Variants in RHOT1 observed in about 807,000 individuals in gnomAD.
RHOT1 encodes the protein ras homolog family member T1.
In RHOT1, 27 loss-of-function variants were observed where a neutral mutation model predicts 95.3. The ratio of observed to expected loss-of-function variants is 0.28; its 90% CI spans 0.21 to 0.39. RHOT1 has a LOEUF of 0.39. Ranked by LOEUF, RHOT1 falls within the 10% of genes least tolerant of loss-of-function variation. RHOT1 has a pLI of 1.00. For missense variants in RHOT1, 578 were observed against 786.7 expected, an observed-to-expected ratio of 0.73 and a Z score of 3.17; for synonymous variants, 227 against 263.5, an observed-to-expected ratio of 0.86 and a Z score of 1.34.
In RHOT1 at chr17:32,175,629, G is replaced by A. The variant is rs150040462; in HGVS notation, c.222+267G>A. On this transcript the variant is annotated intron_variant, in intron 4 of 19. Coordinates refer to ENST00000545287, the MANE Select transcript of RHOT1 (RefSeq NM_001033566.3). ...GCACCACCATGCCCAGCTAATTTTT[G>A]TATTTTAGTAGAGATGGGGTTTTGC... 3.3e-3 allele frequency among the ~76,000 whole-genome samples: 498 copies of A among 152,168 alleles called. 5 individuals carry two copies. The highest frequency in any genetic ancestry group is 0.012 in the African/African-American group (483 of 41,530).
rs930161268 is a variant in RHOT1 at position 32,206,978 on chromosome 17, A to G, written c.1485A>G (p.Val495=). The G allele has an allele frequency of 1.2e-6, 2 of 1,612,742 alleles. No homozygotes were observed. The highest frequency in any genetic ancestry group is 1.7e-6 in the Non-Finnish European group (2 of 1,179,200). The change falls in exon 17 of 20, where the codon GTA becomes GTG. Residue 495 remains valine, a synonymous_variant. Coordinates refer to ENST00000545287, the MANE Select transcript of RHOT1 (RefSeq NM_001033566.3). The part of the protein sequence containing the change: ...AEIICDVVCL[V]YDVSNPKSFE... ...TCATTTGTGATGTTGTATGCCTGGTATATGATGTCAGCAATCCCAAATCCT... is the reference window on the plus strand; with the variant it reads ...TCATTTGTGATGTTGTATGCCTGGTGTATGATGTCAGCAATCCCAAATCCT...
intron 8 of RHOT1, among the ~76,000 whole-genome samples, chr17:32,185,878 G>T (rs1326162049): frequency 6.6e-6 from 1 of 151,658 alleles, no homozygotes; most frequent in Non-Finnish European, 1.5e-5. Context: ...ATGCCACCGT[G>T]CCCAGCTAAT....
At chr17:32,221,734 A>G (rs757322172) in intron 19 of RHOT1, among the ~76,000 whole-genome samples, 14 of 152,242 alleles carry the variant, frequency 9.2e-5, no homozygotes, top group Non-Finnish European at 1.9e-4. Context: ...AACTAGCTGT[A>G]TCTTGAACAT....
At position 32,198,942 on chromosome 17, in the gene RHOT1, A is replaced by C. The variant is rs191889500; in HGVS notation, c.870-5A>C. 27 of 1,580,590 alleles carry C rather than the reference A, an allele frequency of 1.7e-5. No individual in the cohort carries two copies. The East Asian group carries it at 5.4e-4, about 31-fold the overall frequency. On this transcript the variant is annotated splice_region_variant and splice_polypyrimidine_tract_variant and intron_variant, in intron 11 of 19. Transcript: ENST00000545287. ...ATTTATTTTACTCTTGAATTTTTTC[A>C]ACAGGCTGAAAATACCTCCTGATTG...
At chr17:32,160,047 AGAC>A in intron 1 of RHOT1, 1 of 152,364 alleles carries the variant, frequency 6.6e-6, no homozygotes, top group South Asian at 2.1e-4. Flanking sequence ...ACCAGAAGAG[AGAC>A]GACGGCATGA....
chr17:32,194,220 C>A, intron 11 of RHOT1, 113 bp downstream of exon 11: 1 of 1,059,558 alleles, frequency 9.4e-7, no homozygotes, highest in Non-Finnish European at 1.4e-6. Context: ...ATCCTCCCAC[C>A]TTGGCCTCCC....
At chr17:32,172,383 A>G (rs1413382579) in intron 2 of RHOT1, among the ~76,000 whole-genome samples, 1 of 152,186 alleles carries the variant, frequency 6.6e-6, no homozygotes, top group Non-Finnish European at 1.5e-5. Flanking sequence ...TTTAGTTTAG[A>G]ATTGTTTTAG....
At chr17:32,218,764 T>G (rs1413371077) in intron 19 of RHOT1, among the ~76,000 whole-genome samples, 2 of 152,108 alleles carry the variant, frequency 1.3e-5, no homozygotes, top group Non-Finnish European at 2.9e-5. Flanking sequence ...CAGTGAGCTG[T>G]GTTCATGCCA....
At position 32,192,272 on chromosome 17, in the gene RHOT1, C is replaced by G. The variant is rs1247156519; in HGVS notation, c.612C>G (p.Leu204=). The G allele has an allele frequency of 6.4e-7, 1 of 1,573,106 alleles. No homozygotes were observed. The highest frequency in any genetic ancestry group is 1.4e-5 in the African/African-American group (1 of 72,748). Residue 204 remains leucine, a synonymous_variant, in exon 9 of 20, where the codon CTC becomes CTG. Coordinates refer to ENST00000545287, the MANE Select transcript of RHOT1 (RefSeq NM_001033566.3). The part of the protein sequence containing the change: ...KISDQDNDGT[L]NDAELNFFQR... ...CTGATCAAGATAATGATGGTACTCT[C>G]AATGATGCTGAACTCAACTTCTTTC...
Position 32,142,714 on chromosome 17 carries a change from C to T in RHOT1, c.22C>T (p.Leu8=), listed in dbSNP as rs1193914083. 1.3e-6 allele frequency: 2 copies of T among 1,528,888 alleles called. No individual in the cohort carries two copies. The highest frequency in any genetic ancestry group is 1.8e-6 in the Non-Finnish European group (2 of 1,139,024). 94.7% of individuals were successfully genotyped at this position (1,528,888 alleles called of 1,614,324 possible). Residue 8 remains leucine, a synonymous_variant, in exon 1 of 20, where the codon CTG becomes TTG. Coordinates refer to ENST00000545287, the MANE Select transcript of RHOT1 (RefSeq NM_001033566.3). MKKDVRI[L]LVGEPRVGKT... is the part of the protein sequence containing the mutation. ...CGACATGAAGAAAGACGTGCGGATC[C>T]TGCTGGTGGGAGAACGTGAGTCCGC...
chr17:32,164,374 C>T (rs571277116), intron 1 of RHOT1, among the ~76,000 whole-genome samples: 2 of 151,812 alleles, frequency 1.3e-5, no homozygotes, highest in East Asian at 4.1e-4. Context: ...GCTGGGACTA[C>T]AGGCGTGTGC....
At chr17:32,158,457 C>A (rs1343915776) in intron 1 of RHOT1, among the ~76,000 whole-genome samples, 1 of 151,992 alleles carries the variant, frequency 6.6e-6, no homozygotes, top group Non-Finnish European at 1.5e-5. Flanking sequence ...CAGAGTCTCC[C>A]TCTGTCGTCG....
chr17:32,211,926 T>C (rs2038162259), intron 19 of RHOT1, among the ~76,000 whole-genome samples: 3 of 152,306 alleles, frequency 2.0e-5, no homozygotes, highest in South Asian at 4.1e-4. Context: ...AAAAAAAGGA[T>C]GCATATATTC....
intron 8 of RHOT1, among the ~76,000 whole-genome samples, chr17:32,184,929 T>C (rs1347516049): frequency 6.6e-6 from 1 of 150,906 alleles, no homozygotes; most frequent in Non-Finnish European, 1.5e-5. Context: ...ACTTGTTTGC[T>C]TTTTTTTTGA....
At chr17:32,142,755 C>T (rs1414889574) in intron 1 of RHOT1, 26 bp downstream of exon 1, 5 of 1,495,224 alleles carry the variant, frequency 3.3e-6, no homozygotes, top group African/African-American at 2.8e-5. Context: ...CTGGCCGGCC[C>T]CTGAGTCCCT....
At chr17:32,203,224 C>G (rs960478484) in intron 15 of RHOT1, among the ~76,000 whole-genome samples, 1 of 150,908 alleles carries the variant, frequency 6.6e-6, no homozygotes, top group African/African-American at 2.4e-5. Flanking sequence ...CTTACTACTC[C>G]CTTGAGTAAG....
In RHOT1 at chr17:32,224,623, A is replaced by AC; in HGVS notation, c.1871dup (p.Gln625ThrfsTer3). On this transcript the variant is annotated frameshift_variant, in exon 20 of 20. Transcript: ENST00000545287. LOFTEE classifies it high-confidence loss of function. The stretch of plus-strand genomic sequence containing the variant: ...TATATTTTCTGACTGCAGGCACGTG[A>AC]CACAAGCTGACCTCAAGAGCTCCAC... 6.2e-7 allele frequency: 1 copy of AC among 1,612,122 alleles called. No individual in the cohort carries two copies. Among genetic ancestry groups the AC allele is most frequent in the Non-Finnish European group, 8.5e-7 (1 of 1,178,650 alleles).
intron 8 of RHOT1, among the ~76,000 whole-genome samples, chr17:32,185,934 C>G (rs2036014058): frequency 6.6e-6 from 1 of 151,840 alleles, no homozygotes; most frequent in African/African-American, 2.4e-5. Flanking sequence ...GTTGCCCAGG[C>G]TGGTCTCAAA....
chr17:32,210,295 C>T lies in RHOT1; in HGVS notation c.1740-821C>T, dbSNP rs565291942. On this transcript the variant is annotated intron_variant, in intron 18 of 19. Transcript: ENST00000545287. Reference sequence around the variant, plus strand: ...TGACCACTGAACAGTCATTGGAGACCCCCTACTTTGGTAGTTAGAGCCGAG... The same window carrying T: ...TGACCACTGAACAGTCATTGGAGACTCCCTACTTTGGTAGTTAGAGCCGAG... Among the ~76,000 whole-genome samples the T allele has an allele frequency of 2.0e-5, 3 of 152,208 alleles. No homozygotes were observed. In the East Asian group the frequency reaches 5.8e-4, roughly 29 times the overall value.
Sources: gnomAD v4.1 joint callset for allele counts (sites outside exome capture counted in the v4.1 genomes callset) on GRCh38, gnomAD v4.1.1 for gene constraint, MANE v1.5 for transcripts, NCBI Gene and HGNC (gene_info 2026-07-23, HGNC 2026-07-21) for gene names.